The following INSC variants were observed in gnomAD, a reference collection of about 807,000 sequenced individuals.
The protein encoded by INSC is INSC spindle orientation adaptor protein.
Under a neutral mutation model 58.6 loss-of-function variants are expected in INSC, and 67 were observed. That is an observed-to-expected ratio of 1.14 (90% CI 0.94 to 1.40). The LOEUF is 1.40. Among genes scored for constraint, INSC ranks in the 40% most tolerant of loss-of-function variants. The pLI is 0.00. For synonymous variants in INSC, 262 were observed against 276.1 expected, an observed-to-expected ratio of 0.95 and a Z score of 0.51; for missense variants, 714 against 692.0, an observed-to-expected ratio of 1.03 and a Z score of -0.36.
the INSC span, among the ~76,000 whole-genome samples, chr11:15,254,895 C>T: frequency 6.6e-6 from 1 of 152,130 alleles, no homozygotes; most frequent in Non-Finnish European, 1.5e-5. Flanking sequence ...AATGGAAAAG[C>T]TGGGACTTGG....
chr11:15,157,029 C>T (rs573670846), intron 2 of INSC, among the ~76,000 whole-genome samples: 1 of 152,190 alleles, frequency 6.6e-6, no homozygotes, highest in South Asian at 2.1e-4. Context: ...TTCAGAAAGC[C>T]CAAATTTTAG....
chr11:15,128,507 T>C (rs1483494333), intron 1 of INSC, among the ~76,000 whole-genome samples: 1 of 152,224 alleles, frequency 6.6e-6, no homozygotes, highest in Non-Finnish European at 1.5e-5. Context: ...GTAACTTGAC[T>C]AAGCTTATGC....
the INSC span, among the ~76,000 whole-genome samples, chr11:15,263,489 C>A: frequency 7.2e-5 from 11 of 152,120 alleles, no homozygotes; most frequent in Middle Eastern, 3.4e-3. Context: ...AGGAAAAAAA[C>A]CAGATTACTT....
chr11:15,230,727 C>T (rs1428789750), intron 9 of INSC, among the ~76,000 whole-genome samples: 2 of 152,352 alleles, frequency 1.3e-5, no homozygotes, highest in Non-Finnish European at 2.9e-5. Context: ...CTCTCTAATA[C>T]GGTGGGTTTA....
At chr11:15,249,037 G>A (rs149855965), downstream of INSC, among the ~76,000 whole-genome samples, 886 of 152,302 alleles carry the variant, frequency 5.8e-3, 2 homozygotes, top group Non-Finnish European at 9.7e-3. Flanking sequence ...GGACTCAGCC[G>A]CTGTGAGTGA....
intron 1 of INSC, among the ~76,000 whole-genome samples, chr11:15,136,527 C>T (rs2133716386): frequency 6.6e-6 from 1 of 152,138 alleles, no homozygotes; most frequent in Admixed American, 6.6e-5. Flanking sequence ...GGAGTTAATC[C>T]TCTCAAATCC....
chr11:15,132,877 G>A (rs1206265477), intron 1 of INSC, among the ~76,000 whole-genome samples: 2 of 152,142 alleles, frequency 1.3e-5, no homozygotes, highest in African/African-American at 2.4e-5. Flanking sequence ...GTTATTAAGT[G>A]GTCATCTGTC....
chr11:15,187,339 A>G (rs775962769), intron 5 of INSC, among the ~76,000 whole-genome samples: 11 of 152,254 alleles, frequency 7.2e-5, no homozygotes, highest in Non-Finnish European at 1.3e-4. Context: ...TCATCTCTCT[A>G]TAAAAGAAGT....
chr11:15,154,908 G>A (rs545920520), intron 2 of INSC, among the ~76,000 whole-genome samples: 158 of 152,302 alleles, frequency 1.0e-3, no homozygotes, highest in South Asian at 2.3e-3. Context: ...AATGTGCAAA[G>A]GGGTCTTGTG....
the INSC span, among the ~76,000 whole-genome samples, chr11:15,255,855 A>C: frequency 3.3e-5 from 5 of 152,138 alleles, no homozygotes; most frequent in Non-Finnish European, 7.3e-5. Context: ...ATAAAGGGAT[A>C]ATCTATAAAG....
rs538832189 is a variant in INSC at position 15,207,518 on chromosome 11, G to T, written c.819+6569G>T. Among the ~76,000 whole-genome samples the T allele has an allele frequency of 4.6e-5, 7 of 152,138 alleles. No homozygotes were observed. The South Asian group carries it at 1.5e-3, about 32-fold the overall frequency. ...TTCACGCCCCACCCTCATTTCCTGG[G>T]GCAGCTTCTTGGAATCAATAGGCCC... On this transcript the variant is annotated intron_variant, in intron 7 of 12. Transcript: ENST00000379556.
At chr11:15,137,693 T>C (rs1848277626) in intron 1 of INSC, among the ~76,000 whole-genome samples, 1 of 152,238 alleles carries the variant, frequency 6.6e-6, no homozygotes, top group Non-Finnish European at 1.5e-5. Flanking sequence ...AGGGACTTGC[T>C]GTAGATTAGG....
At chr11:15,128,775 C>T (rs998756664) in intron 1 of INSC, among the ~76,000 whole-genome samples, 2 of 152,290 alleles carry the variant, frequency 1.3e-5, no homozygotes, top group African/African-American at 2.4e-5. Context: ...TAGGCTGGCC[C>T]CTGCGCCCAG....
intron 1 of INSC, among the ~76,000 whole-genome samples, chr11:15,125,324 G>T (rs892362092): frequency 6.6e-6 from 1 of 152,182 alleles, no homozygotes; most frequent in African/African-American, 2.4e-5. Context: ...TGCAATAATG[G>T]GTGCCAGCTC....
At chr11:15,215,640 CTG>C (rs1851187376) in intron 7 of INSC, among the ~76,000 whole-genome samples, 1 of 152,226 alleles carries the variant, frequency 6.6e-6, no homozygotes, top group Admixed American at 6.5e-5. Flanking sequence ...CAGTAAACTG[CTG>C]TGTGTTAGGC....
chr11:15,128,499 A>G (rs1270868574), intron 1 of INSC, among the ~76,000 whole-genome samples: 2 of 152,220 alleles, frequency 1.3e-5, no homozygotes, highest in Admixed American at 6.5e-5. Context: ...GAAGTTAAGT[A>G]ACTTGACTAA....
At chr11:15,180,384 AG>A (rs1326895714) in intron 5 of INSC, among the ~76,000 whole-genome samples, 2 of 152,186 alleles carry the variant, frequency 1.3e-5, no homozygotes, top group Non-Finnish European at 2.9e-5. Flanking sequence ...GAGGCAGCAA[AG>A]AGGCAGGGTA....
intron 1 of INSC, among the ~76,000 whole-genome samples, chr11:15,146,402 A>G (rs1249746744): frequency 1.3e-5 from 2 of 152,218 alleles, no homozygotes; most frequent in South Asian, 2.1e-4. Context: ...GCCAATAATG[A>G]CATAGTCTGT....
At chr11:15,161,526 G>A (rs1486784199) in intron 2 of INSC, among the ~76,000 whole-genome samples, 1 of 152,130 alleles carries the variant, frequency 6.6e-6, no homozygotes, top group Non-Finnish European at 1.5e-5. Context: ...TTCCACTATA[G>A]GTGGGCACAG....
Sources: allele counts gnomAD v4.1 joint callset (sites outside exome capture counted in the v4.1 genomes callset), GRCh38; gene constraint gnomAD v4.1.1; transcripts MANE v1.5; gene names NCBI Gene and HGNC (gene_info 2026-07-23, HGNC 2026-07-21).